The following NTM variants were observed in gnomAD, a reference collection of about 807,000 sequenced individuals.
The protein encoded by NTM is IgLON family member 2.
Under a neutral mutation model 42.1 loss-of-function variants are expected in NTM, and 13 were observed. That is an observed-to-expected ratio of 0.31 (90% CI 0.20 to 0.49). The LOEUF is 0.49. Among genes scored for constraint, NTM ranks in the 20% least tolerant of loss-of-function variants. The probability of loss-of-function intolerance (pLI) is 0.99; values close to 1 mark genes in which losing one functional copy is unlikely to be tolerated. For synonymous variants in NTM, 187 were observed against 179.2 expected (o/e 1.04, Z -0.35); for missense variants, 373 against 452.8 (o/e 0.82, Z 1.60).
chr11:131,722,609 G>C (rs778707208), intron 1 of NTM, among the ~76,000 whole-genome samples: 1 of 152,204 alleles, frequency 6.6e-6, no homozygotes, highest in Non-Finnish European at 1.5e-5. Context: ...CTTTCTGATA[G>C]ATCCTGTTGA....
chr11:131,527,641 T>C (rs1038581529), intron 1 of NTM, among the ~76,000 whole-genome samples: 2 of 152,228 alleles, frequency 1.3e-5, no homozygotes, highest in Admixed American at 6.5e-5. Flanking sequence ...GTAATTTCTT[T>C]CTTTCCTGCT....
At chr11:131,687,474 A>C (rs2074037800) in intron 1 of NTM, among the ~76,000 whole-genome samples, 1 of 152,106 alleles carries the variant, frequency 6.6e-6, no homozygotes, top group African/African-American at 2.4e-5. Context: ...TGCTCCTCAG[A>C]CCATCACCGG....
At chr11:131,815,948 G>T (rs892377232) in intron 1 of NTM, among the ~76,000 whole-genome samples, 10 of 152,182 alleles carry the variant, frequency 6.6e-5, no homozygotes, top group Non-Finnish European at 1.5e-4. Context: ...GGGAAACTGG[G>T]AGTTGGAGAT....
rs369447403 is a variant in NTM, at chr11:132,162,006, C to G, written c.400+15492C>G. 1.9e-4 allele frequency among the ~76,000 whole-genome samples: 29 copies of G among 152,334 alleles called. No individual in the cohort carries two copies. In the East Asian group the frequency reaches 3.9e-3, roughly 20 times the overall value. ...AACCCCGGTTGAAATTCTCTCCGTG[C>G]GCAGTGCAGGGAAGGAAGACACTAG... On this transcript the variant is annotated intron_variant, in intron 3 of 8. Coordinates refer to ENST00000683400, the MANE Select transcript of NTM (RefSeq NM_001352005.2).
chr11:132,047,733 C>G (rs1345631543), intron 2 of NTM, among the ~76,000 whole-genome samples: 3 of 152,180 alleles, frequency 2.0e-5, no homozygotes, highest in African/African-American at 7.2e-5. Flanking sequence ...CTCTTAGGCC[C>G]CACTGTTTTT....
At chr11:131,400,943 C>A (rs1425418007) in intron 1 of NTM, among the ~76,000 whole-genome samples, 2 of 150,916 alleles carry the variant, frequency 1.3e-5, no homozygotes, top group Non-Finnish European at 2.9e-5. Flanking sequence ...TACTGAACTT[C>A]TTCAGCAATA....
At chr11:131,858,008 T>A (rs1400579872) in intron 1 of NTM, among the ~76,000 whole-genome samples, 3 of 151,332 alleles carry the variant, frequency 2.0e-5, no homozygotes, top group Non-Finnish European at 4.4e-5. Flanking sequence ...TACCCCTCTC[T>A]CTGCCTACTC....
chr11:131,670,356 T>G (rs193041014), intron 1 of NTM, among the ~76,000 whole-genome samples: 1 of 152,274 alleles, frequency 6.6e-6, no homozygotes, highest in East Asian at 1.9e-4. Flanking sequence ...CCTCTCTCTC[T>G]TACTTTCTTC....
intron 1 of NTM, among the ~76,000 whole-genome samples, chr11:131,746,308 G>A (rs1291828185): frequency 6.6e-6 from 1 of 152,118 alleles, no homozygotes; most frequent in African/African-American, 2.4e-5. Flanking sequence ...ACATGCTGGC[G>A]GGATTTGGAC....
chr11:132,201,843 G>C (rs2081205393), intron 3 of NTM, among the ~76,000 whole-genome samples: 1 of 152,166 alleles, frequency 6.6e-6, no homozygotes. Flanking sequence ...GGAAGAGCTT[G>C]GGTCTGAGAA....
intron 2 of NTM, among the ~76,000 whole-genome samples, chr11:132,060,435 A>C (rs1297931127): frequency 6.6e-6 from 1 of 152,228 alleles, no homozygotes; most frequent in East Asian, 1.9e-4. Context: ...CGCTATGAAC[A>C]GAGGTTGTAT....
chr11:131,414,924 G>A (rs935638255), intron 1 of NTM, among the ~76,000 whole-genome samples: 1 of 152,120 alleles, frequency 6.6e-6, no homozygotes, highest in African/African-American at 2.4e-5. Context: ...AGCAAATTGT[G>A]CATCCCTAAG....
intron 1 of NTM, among the ~76,000 whole-genome samples, chr11:131,567,302 C>A (rs150478769): frequency 1.4e-3 from 208 of 152,208 alleles, no homozygotes; most frequent in Middle Eastern, 0.01. Flanking sequence ...GCCTGGCCAA[C>A]ATGGTGAAAC....
At chr11:131,727,769 G>A (rs2079136021) in intron 1 of NTM, among the ~76,000 whole-genome samples, 1 of 152,126 alleles carries the variant, frequency 6.6e-6, no homozygotes, top group Admixed American at 6.5e-5. Flanking sequence ...CTAATCTGCT[G>A]TCATACAGCT....
At chr11:132,219,771 T>C (rs1223380752) in intron 4 of NTM, among the ~76,000 whole-genome samples, 1 of 152,010 alleles carries the variant, frequency 6.6e-6, no homozygotes, top group Non-Finnish European at 1.5e-5. Flanking sequence ...TAACAACACA[T>C]AGTATGTGTC....
intron 1 of NTM, among the ~76,000 whole-genome samples, chr11:131,624,624 T>C (rs189135837): frequency 6.6e-6 from 1 of 152,326 alleles, no homozygotes; most frequent in Admixed American, 6.5e-5. Context: ...CTCATAGTGT[T>C]GTATTACTCA....
chr11:131,683,134 C>T (rs180771240), intron 1 of NTM, among the ~76,000 whole-genome samples: 1 of 152,290 alleles, frequency 6.6e-6, no homozygotes, highest in East Asian at 1.9e-4. Context: ...CCGAAGCTTC[C>T]CTTTCTTACT....
chr11:131,888,507 G>T (rs912976801), intron 1 of NTM, among the ~76,000 whole-genome samples: 12 of 152,074 alleles, frequency 7.9e-5, no homozygotes, highest in Non-Finnish European at 1.3e-4. Context: ...CCCAGGTTTG[G>T]TTCCTTCAGG....
At chr11:132,076,798 C>T (rs2058426588) in intron 2 of NTM, among the ~76,000 whole-genome samples, 1 of 152,076 alleles carries the variant, frequency 6.6e-6, no homozygotes, top group African/African-American at 2.4e-5. Flanking sequence ...ATCAGATAAG[C>T]TTTATGAAGG....
Sources: gnomAD v4.1 joint callset for allele counts (sites outside exome capture counted in the v4.1 genomes callset) on GRCh38, gnomAD v4.1.1 for gene constraint, MANE v1.5 for transcripts, NCBI Gene and HGNC (gene_info 2026-07-23, HGNC 2026-07-21) for gene names.